The following IMMP2L variants were observed in gnomAD, a reference collection of about 807,000 sequenced individuals.
IMMP2L encodes the protein mitochondrial inner membrane protease subunit 2.
A neutral mutation model predicts 19.3 loss-of-function variants in IMMP2L; 18 were observed. The ratio of observed to expected loss-of-function variants is 0.93; its 90% CI spans 0.64 to 1.38. The LOEUF (loss-of-function observed/expected upper bound fraction) is 1.38, where lower values mean the gene tolerates loss of function less well. Ranked by LOEUF, IMMP2L falls within the 40% of genes most tolerant of loss-of-function variation. The pLI, the probability that IMMP2L is intolerant of heterozygous loss-of-function variation, is 0.00. For missense variants in IMMP2L, 233 were observed against 218.2 expected (o/e 1.07, Z -0.43); for synonymous variants, 76 against 73.0 (o/e 1.04, Z -0.21).
At chr7:110,893,246 C>G (rs1810987975) in intron 4 of IMMP2L, among the ~76,000 whole-genome samples, 1 of 152,112 alleles carries the variant, frequency 6.6e-6, no homozygotes, top group Non-Finnish European at 1.5e-5. Flanking sequence ...CCAACATATT[C>G]TTTTGGGAAA....
intron 3 of IMMP2L, among the ~76,000 whole-genome samples, chr7:111,442,723 T>C (rs1211891837): frequency 1.3e-5 from 2 of 152,006 alleles, no homozygotes; most frequent in East Asian, 3.9e-4. Flanking sequence ...AAGCACATGA[T>C]ACTATAATGT....
At chr7:111,495,542 G>T (rs181766471) in intron 2 of IMMP2L, among the ~76,000 whole-genome samples, 1 of 152,186 alleles carries the variant, frequency 6.6e-6, no homozygotes, top group East Asian at 1.9e-4. Flanking sequence ...TATTGTCAAG[G>T]TATCCTAAAT....
intron 4 of IMMP2L, 112 bp from the exon 5 acceptor site, chr7:110,886,807 C>G (rs1456096635): frequency 5.9e-6 from 3 of 509,188 alleles, no homozygotes; most frequent in African/African-American, 5.9e-5. Flanking sequence ...GACAGGTTAA[C>G]CATGAAGCTT....
At chr7:110,973,371 A>G (rs749946357) in intron 3 of IMMP2L, among the ~76,000 whole-genome samples, 1 of 152,048 alleles carries the variant, frequency 6.6e-6, no homozygotes, top group Non-Finnish European at 1.5e-5. Context: ...TAGAACACCA[A>G]AGAAATCCCT....
intron 3 of IMMP2L, among the ~76,000 whole-genome samples, chr7:111,418,966 T>A (rs1835213451): frequency 5.9e-5 from 9 of 151,820 alleles, no homozygotes; most frequent in Admixed American, 5.9e-4. Context: ...ATAAACTATT[T>A]TTTCAATATT....
At chr7:111,091,840 G>A (rs564674196) in intron 3 of IMMP2L, among the ~76,000 whole-genome samples, 7 of 152,076 alleles carry the variant, frequency 4.6e-5, no homozygotes, top group South Asian at 2.1e-4. Flanking sequence ...GAGGAGGAGA[G>A]GGAGAGAGAA....
intron 3 of IMMP2L, among the ~76,000 whole-genome samples, chr7:111,408,963 G>A (rs1834133895): frequency 6.6e-6 from 1 of 151,614 alleles, no homozygotes; most frequent in East Asian, 1.9e-4. Context: ...TTTCTGTCTA[G>A]ATGATATATT....
At chr7:110,665,184 G>A (rs1433534873) in intron 5 of IMMP2L, among the ~76,000 whole-genome samples, 2 of 152,084 alleles carry the variant, frequency 1.3e-5, no homozygotes, top group African/African-American at 4.8e-5. Flanking sequence ...AATCAGACCT[G>A]TAAAAAATTT....
intron 4 of IMMP2L, among the ~76,000 whole-genome samples, chr7:110,902,205 T>C (rs1563067488): frequency 6.6e-6 from 1 of 151,694 alleles, no homozygotes; most frequent in Non-Finnish European, 1.5e-5. Context: ...AAGAGATAAG[T>C]ATAGAAAAAA....
At chr7:111,047,733 A>C (rs1288940312) in intron 3 of IMMP2L, among the ~76,000 whole-genome samples, 1 of 152,152 alleles carries the variant, frequency 6.6e-6, no homozygotes, top group Non-Finnish European at 1.5e-5. Flanking sequence ...GCAAAATACC[A>C]GAGATTAAGG....
chr7:111,221,128 A>G (rs1339088432), intron 3 of IMMP2L, among the ~76,000 whole-genome samples: 1 of 152,066 alleles, frequency 6.6e-6, no homozygotes, highest in Non-Finnish European at 1.5e-5. Context: ...ACAAACAAGG[A>G]GTAAAGGAAG....
chr7:110,782,864 C>G (rs940012050), intron 5 of IMMP2L, among the ~76,000 whole-genome samples: 4 of 151,612 alleles, frequency 2.6e-5, no homozygotes, highest in East Asian at 1.9e-4. Context: ...AATAGAGATT[C>G]AAAGGACAGG....
intron 3 of IMMP2L, among the ~76,000 whole-genome samples, chr7:111,463,525 T>C (rs1840332535): frequency 6.6e-6 from 1 of 152,114 alleles, no homozygotes; most frequent in Non-Finnish European, 1.5e-5. Context: ...AGGGTATTTG[T>C]TGCCACTCCA....
At chr7:110,997,593 T>A (rs1823179458) in intron 3 of IMMP2L, among the ~76,000 whole-genome samples, 1 of 152,170 alleles carries the variant, frequency 6.6e-6, no homozygotes, top group Admixed American at 6.6e-5. Flanking sequence ...GTTTTTAATT[T>A]GCATTTCCTT....
intron 5 of IMMP2L, among the ~76,000 whole-genome samples, chr7:110,695,131 T>C (rs1793790968): frequency 6.6e-6 from 1 of 152,154 alleles, no homozygotes; most frequent in South Asian, 2.1e-4. Flanking sequence ...ATTTTGGAAG[T>C]AGACATAGTG....
chr7:111,389,715 T>C (rs879113441), intron 3 of IMMP2L, among the ~76,000 whole-genome samples: 1 of 152,242 alleles, frequency 6.6e-6, no homozygotes, highest in East Asian at 1.9e-4. Flanking sequence ...CTTGAAATCA[T>C]TGTCAAATGA....
At chr7:111,509,018 A>T (rs983787012) in intron 2 of IMMP2L, among the ~76,000 whole-genome samples, 3 of 152,182 alleles carry the variant, frequency 2.0e-5, no homozygotes, top group African/African-American at 7.2e-5. Context: ...AATAAAACAA[A>T]TTTTTTAAAA....
chr7:111,266,801 A>G (rs1230343536), intron 3 of IMMP2L, among the ~76,000 whole-genome samples: 2 of 152,158 alleles, frequency 1.3e-5, no homozygotes, highest in African/African-American at 2.4e-5. Context: ...CACATAGTTA[A>G]AATCACTTAG....
intron 5 of IMMP2L, among the ~76,000 whole-genome samples, chr7:110,879,369 A>G (rs1809406863): frequency 6.7e-6 from 1 of 148,768 alleles, no homozygotes; most frequent in African/African-American, 2.5e-5. Flanking sequence ...GCCTGGGTGG[A>G]AGAGCGAGAA....
Sources: gnomAD v4.1 joint callset for allele counts (sites outside exome capture counted in the v4.1 genomes callset) on GRCh38, gnomAD v4.1.1 for gene constraint, MANE v1.5 for transcripts, NCBI Gene and HGNC (gene_info 2026-07-23, HGNC 2026-07-21) for gene names.